The following KCNH7 variants were observed in gnomAD, a reference collection of about 807,000 sequenced individuals.
The protein encoded by KCNH7 is potassium voltage-gated channel subfamily H member 7.
KCNH7 carries 49 observed loss-of-function variants against 120.8 expected under a neutral mutation model. That is an observed-to-expected ratio of 0.41 (90% CI 0.32 to 0.51). KCNH7 has a LOEUF of 0.51. KCNH7 is among the 20% of genes least tolerant of loss of function. The probability of loss-of-function intolerance (pLI) is 0.38; values close to 1 mark genes in which losing one functional copy is unlikely to be tolerated. For missense variants in KCNH7, 1,097 were observed against 1,446.6 expected (o/e 0.76, Z 3.92); for synonymous variants, 547 against 516.1 (o/e 1.06, Z -0.81).
chr2:162,544,224 C>G (rs1251516581), intron 2 of KCNH7, among the ~76,000 whole-genome samples: 2 of 152,114 alleles, frequency 1.3e-5, no homozygotes, highest in African/African-American at 4.8e-5. Context: ...ATGTATATGA[C>G]AGAACTTAGC....
At chr2:162,419,595 T>C (rs1687640432) in intron 9 of KCNH7, among the ~76,000 whole-genome samples, 1 of 152,062 alleles carries the variant, frequency 6.6e-6, no homozygotes, top group South Asian at 2.1e-4. Flanking sequence ...TGGGCATTAT[T>C]TGGTGGGGGA....
At chr2:162,693,431 T>C (rs1016494326) in intron 2 of KCNH7, among the ~76,000 whole-genome samples, 2 of 152,230 alleles carry the variant, frequency 1.3e-5, no homozygotes, top group African/African-American at 4.8e-5. Context: ...TTGTGTTTTT[T>C]TCAGACCAGC....
chr2:162,470,398 C>T (rs2105640176), intron 6 of KCNH7, among the ~76,000 whole-genome samples: 1 of 151,646 alleles, frequency 6.6e-6, no homozygotes, highest in South Asian at 2.1e-4. Flanking sequence ...GCCCGGCCGC[C>T]CCGTCTGAGA....
intron 2 of KCNH7, among the ~76,000 whole-genome samples, chr2:162,549,171 T>C (rs1023760459): frequency 6.6e-6 from 1 of 152,186 alleles, no homozygotes; most frequent in African/African-American, 2.4e-5. Flanking sequence ...TATCCAAGGG[T>C]CTTGCTTAAG....
intron 2 of KCNH7, among the ~76,000 whole-genome samples, chr2:162,810,827 C>T (rs935385818): frequency 3.3e-5 from 5 of 152,166 alleles, no homozygotes; most frequent in African/African-American, 1.2e-4. Flanking sequence ...GCCTCTAAAA[C>T]TTAGTGTCCT....
intron 2 of KCNH7, among the ~76,000 whole-genome samples, chr2:162,822,594 A>G (rs1203894726): frequency 6.6e-6 from 1 of 152,204 alleles, no homozygotes; most frequent in Non-Finnish European, 1.5e-5. Context: ...ACTTTATCAA[A>G]GAAGTAACTA....
Position 162,426,151 on chromosome 2 carries a change from T to A in KCNH7, c.1955-2616A>T, listed in dbSNP as rs573741350. Among the ~76,000 whole-genome samples, 13 of 150,844 alleles carry A rather than the reference T, an allele frequency of 8.6e-5. No homozygotes were observed. In the South Asian group the frequency reaches 2.7e-3, roughly 32 times the overall value. On this transcript the variant is annotated intron_variant, in intron 8 of 15. Transcript: ENST00000332142. Reference sequence around the variant, plus strand: ...ATTGCTTGATCCAGGGAGGCTCAGGTTGCAGTGAGCCAAGTTCACGCCACT... The same window carrying A: ...ATTGCTTGATCCAGGGAGGCTCAGGATGCAGTGAGCCAAGTTCACGCCACT...
intron 3 of KCNH7, among the ~76,000 whole-genome samples, chr2:162,521,181 GGCA>G (rs1691507880): frequency 6.6e-6 from 1 of 151,790 alleles, no homozygotes; most frequent in Non-Finnish European, 1.5e-5. Flanking sequence ...GCCTCAGAAG[GGCA>G]GGGCCCCAGG....
chr2:162,801,135 C>T (rs913357153), intron 2 of KCNH7, among the ~76,000 whole-genome samples: 1 of 151,300 alleles, frequency 6.6e-6, no homozygotes, highest in Non-Finnish European at 1.5e-5. Flanking sequence ...CGAACTAATG[C>T]GAAGAGGGTA....
intron 2 of KCNH7, chr2:162,797,960 G>A (rs1007746141): frequency 2.6e-5 from 4 of 152,040 alleles, no homozygotes; most frequent in African/African-American, 9.7e-5. Flanking sequence ...TTAAAAGGAA[G>A]ACTATTTCTG....
At chr2:162,832,464 T>C (rs1324773489) in intron 2 of KCNH7, among the ~76,000 whole-genome samples, 1 of 152,202 alleles carries the variant, frequency 6.6e-6, no homozygotes, top group Non-Finnish European at 1.5e-5. Flanking sequence ...TAAGCATGTT[T>C]ATTTTAAATT....
At chr2:162,660,319 C>T (rs1574233593) in intron 2 of KCNH7, among the ~76,000 whole-genome samples, 1 of 152,128 alleles carries the variant, frequency 6.6e-6, no homozygotes, top group South Asian at 2.1e-4. Flanking sequence ...ATGACAAATT[C>T]TGTTTTAATT....
intron 2 of KCNH7, among the ~76,000 whole-genome samples, chr2:162,826,364 T>A (rs1685285776): frequency 6.6e-6 from 1 of 152,140 alleles, no homozygotes; most frequent in Admixed American, 6.6e-5. Context: ...AACTTGTGGA[T>A]GTTCCATCAG....
chr2:162,515,092 A>C lies in KCNH7; in HGVS notation c.893-2418T>G, dbSNP rs570864270. 1.8e-4 allele frequency among the ~76,000 whole-genome samples: 27 copies of C among 151,868 alleles called. No homozygotes were observed. The South Asian group carries it at 5.4e-3, about 30-fold the overall frequency. The stretch of plus-strand genomic sequence containing the variant: ...TAGGGAATGTAGTTTCTTTTTTGCT[A>C]ATCAGTGATTTTGTAGCTAAAATTT... On this transcript the variant is annotated intron_variant, in intron 4 of 15. Coordinates refer to ENST00000332142, the MANE Select transcript of KCNH7 (RefSeq NM_033272.4).
At chr2:162,538,269 T>C (rs1397527903) in intron 2 of KCNH7, among the ~76,000 whole-genome samples, 2 of 151,992 alleles carry the variant, frequency 1.3e-5, no homozygotes, top group African/African-American at 4.8e-5. Context: ...TTAGCATTAG[T>C]GTATTTTATG....
chr2:162,504,667 T>A lies in KCNH7; in HGVS notation c.914-10A>T. 6.4e-7 allele frequency: 1 copy of A among 1,556,574 alleles called. No homozygotes were observed. The highest frequency in any genetic ancestry group is 2.2e-5 in the East Asian group (1 of 44,472). On this transcript the variant is annotated splice_polypyrimidine_tract_variant and intron_variant, in intron 5 of 15. Transcript: ENST00000332142. ...ATATGATTAAAAGGCCCTAAAAAAA[T>A]GGAAAGTATTTGTAAGAGTAATATA...
At chr2:162,543,200 T>C (rs1483370026) in intron 2 of KCNH7, among the ~76,000 whole-genome samples, 1 of 152,064 alleles carries the variant, frequency 6.6e-6, no homozygotes, top group East Asian at 1.9e-4. Context: ...AAAACTGAGC[T>C]GGCAAAAAGT....
chr2:162,602,762 A>G (rs921948828), intron 2 of KCNH7, among the ~76,000 whole-genome samples: 8 of 152,002 alleles, frequency 5.3e-5, no homozygotes, highest in African/African-American at 1.9e-4. Flanking sequence ...ATCAATGAAT[A>G]AACAGAGGCC....
At chr2:162,523,121 C>G (rs1031158289) in intron 3 of KCNH7, among the ~76,000 whole-genome samples, 2 of 151,838 alleles carry the variant, frequency 1.3e-5, no homozygotes, top group South Asian at 2.1e-4. Context: ...CACAAAACAG[C>G]AGTTTCCGTG....
Sources: gnomAD v4.1 joint callset for allele counts (sites outside exome capture counted in the v4.1 genomes callset) on GRCh38, gnomAD v4.1.1 for gene constraint, MANE v1.5 for transcripts, NCBI Gene and HGNC (gene_info 2026-07-23, HGNC 2026-07-21) for gene names.